The following DMXL2 variants were observed in gnomAD, a reference collection of about 807,000 sequenced individuals.
DMXL2 encodes the protein dmX-like protein 2.
A neutral mutation model predicts 331.1 loss-of-function variants in DMXL2; 103 were observed. The observed-to-expected ratio is 0.31, with a 90% CI of 0.27 to 0.37. The LOEUF is 0.37. Among genes scored for constraint, DMXL2 ranks in the 10% least tolerant of loss-of-function variants. The pLI is 1.00. For synonymous variants in DMXL2, 1,281 were observed against 1,252.1 expected, an observed-to-expected ratio of 1.02 and a Z score of -0.49; for missense variants, 3,171 against 3,642.9, an observed-to-expected ratio of 0.87 and a Z score of 3.33.
In DMXL2 at chr15:51,560,504, C is replaced by CAA. The variant is rs66990182; in HGVS notation, c.567+2875_567+2876dup. On this transcript the variant is annotated intron_variant, in intron 6 of 43. Transcript: ENST00000560891. ...CAACATAATGAAACCTTATTTCTAC[C>CAA]AAAAAAAAAAAAAAAAAAAAAAAAA... 2.1e-3 allele frequency among the ~76,000 whole-genome samples: 88 copies of CAA among 41,546 alleles called. 4 individuals are homozygous for CAA. The highest frequency in any genetic ancestry group is 5.3e-3 in the African/African-American group (49 of 9,206). The allele number at this position is 41,546 out of a possible 152,430, so 27.3% of individuals were successfully genotyped here. A position where few individuals can be genotyped will look rare whatever the true frequency, so the allele number is the denominator to read the frequency against.
At chr15:51,546,022 C>G (rs2048871041) in intron 7 of DMXL2, among the ~76,000 whole-genome samples, 1 of 152,016 alleles carries the variant, frequency 6.6e-6, no homozygotes, top group Non-Finnish European at 1.5e-5. Context: ...ATCTCCTAAA[C>G]AAAACATACA....
At chr15:51,605,519 T>TAACGAACATAGATGTAAAAACAC (rs1567177982) in intron 1 of DMXL2, among the ~76,000 whole-genome samples, 7 of 42,070 alleles carry the variant, frequency 1.7e-4, no homozygotes, top group South Asian at 7.1e-4. Context: ...TTAATATTCT[T>TAACGAACATAGATGTAAAAACAC]TTTTTTTTTT....
chr15:51,512,586 G>C (rs1424865252), intron 15 of DMXL2, among the ~76,000 whole-genome samples: 1 of 152,178 alleles, frequency 6.6e-6, no homozygotes, highest in African/African-American at 2.4e-5. Context: ...AAGGTGAGCT[G>C]ATCACTTGAG....
At chr15:51,564,539 G>C (rs530938030) in intron 4 of DMXL2, among the ~76,000 whole-genome samples, 15 of 151,980 alleles carry the variant, frequency 9.9e-5, no homozygotes, top group African/African-American at 3.1e-4. Flanking sequence ...AACAACAAAT[G>C]TATTAATAGA....
chr15:51,610,047 T>C (rs1209102064), intron 1 of DMXL2, among the ~76,000 whole-genome samples: 2 of 152,206 alleles, frequency 1.3e-5, no homozygotes, highest in Non-Finnish European at 2.9e-5. Flanking sequence ...AATGCATCAC[T>C]GTATTTGGAA....
At chr15:51,507,955 G>GA (rs1224234021) in intron 15 of DMXL2, among the ~76,000 whole-genome samples, 1 of 152,054 alleles carries the variant, frequency 6.6e-6, no homozygotes, top group Non-Finnish European at 1.5e-5. Context: ...CTTCATAACT[G>GA]AAAATGAGAT....
intron 34 of DMXL2, 121 bp downstream of exon 34, chr15:51,459,477 G>A: frequency 1.4e-6 from 1 of 715,338 alleles, no homozygotes; most frequent in Non-Finnish European, 2.1e-6. Context: ...AAGTGGTATG[G>A]GAGTACTATG....
At chr15:51,451,030 CAGAGTT>C (rs1211677357) in intron 42 of DMXL2, among the ~76,000 whole-genome samples, 5 of 152,212 alleles carry the variant, frequency 3.3e-5, no homozygotes, top group Non-Finnish European at 5.9e-5. Flanking sequence ...ATGTGGAAGA[CAGAGTT>C]AGGACACTAA....
In DMXL2 at chr15:51,466,250, T is replaced by C. The variant is rs114516513; in HGVS notation, c.7454A>G (p.Asp2485Gly). 1.7e-3 allele frequency: 2,599 copies of C among 1,574,118 alleles called. 27 individuals are homozygous for C. The African/African-American group carries it at 0.028, about 17-fold the overall frequency. Residue 2485 changes from aspartate to glycine, a missense_variant, in exon 30 of 44, where the codon GAT becomes GGT. Around this residue, in one of 7 missense-constraint regions of DMXL2, gnomAD observed 766 missense variants for 940.5 expected, o/e 0.81. Coordinates refer to ENST00000560891, the MANE Select transcript of DMXL2 (RefSeq NM_001378457.1). ...TGAAAAAAAGGCATCATCTTCTTCA[T>C]CACTATGAATGCTTTCATCAGAATC... ...IYDSDESIHS[D>G]EEDDAFFSDT...
Position 51,501,495 on chromosome 15 carries a change from G to A in DMXL2, c.2993-1264C>T, listed in dbSNP as rs944771997. On this transcript the variant is annotated intron_variant, in intron 17 of 43. Transcript: ENST00000560891. ...CAAACATTCTTAATAAAGGTGAGAC[G>A]TGATTACCACAATGTGAATGAAGTC... Among the ~76,000 whole-genome samples the A allele has an allele frequency of 4.6e-5, 7 of 152,190 alleles. No homozygotes were observed. The South Asian group carries it at 8.3e-4, about 18-fold the overall frequency.
In DMXL2 at chr15:51,511,407, C is replaced by G. The variant is rs142110476; in HGVS notation, c.2644+3035G>C. 3.2e-3 allele frequency among the ~76,000 whole-genome samples: 481 copies of G among 152,254 alleles called. 1 individual carries two copies. The highest frequency in any genetic ancestry group is 0.011 in the African/African-American group (454 of 41,552). ...TATGAACAGACACTTCTCAAAAGAA[C>G]ACATTTATGTGGCCAACAAACATAT... On this transcript the variant is annotated intron_variant, in intron 15 of 43. Transcript: ENST00000560891.
chr15:51,473,693 C>A (rs1036151018), intron 28 of DMXL2, among the ~76,000 whole-genome samples: 1 of 152,128 alleles, frequency 6.6e-6, no homozygotes, highest in African/African-American at 2.4e-5. Flanking sequence ...AGATAGAAAT[C>A]TTTCCTGCGG....
intron 36 of DMXL2, chr15:51,458,144 TTATCAGGTGA>T (rs1284215491): frequency 5.6e-6 from 1 of 177,846 alleles, no homozygotes. Context: ...AAAGGTATGC[TTATCAGGTGA>T]TAAGAAGAAA....
At chr15:51,508,017 A>C (rs2046515095) in intron 15 of DMXL2, among the ~76,000 whole-genome samples, 1 of 152,174 alleles carries the variant, frequency 6.6e-6, no homozygotes, top group Admixed American at 6.6e-5. Flanking sequence ...CATAATGACA[A>C]CATATTGGTA....
At chr15:51,514,686 C>T in intron 14 of DMXL2, 127 bp from the exon 15 acceptor site, 1 of 621,380 alleles carries the variant, frequency 1.6e-6, no homozygotes, top group Non-Finnish European at 2.8e-6. Flanking sequence ...TTTACCACTA[C>T]TAATTAGAAA....
At chr15:51,580,003 T>C (rs1408118214) in intron 1 of DMXL2, among the ~76,000 whole-genome samples, 2 of 152,204 alleles carry the variant, frequency 1.3e-5, no homozygotes, top group Non-Finnish European at 2.9e-5. Flanking sequence ...GTAAAGTTCC[T>C]GCTCTTTCCA....
Position 51,480,014 on chromosome 15 carries a change from G to A in DMXL2, c.6690C>T (p.Ile2230=). Residue 2230 remains isoleucine (I), a synonymous_variant, in exon 25 of 44, where the codon ATC becomes ATT. Transcript: ENST00000560891. ...GAACAATAGTATAAAGTATATCATG[G>A]ATGTGATTATTTAAGTACAATACAG... is the stretch of plus-strand genomic sequence containing the variant. ...ANPVLYLNNH[I]HDILYTIVQM... 6.3e-7 allele frequency: 1 copy of A among 1,592,338 alleles called. No homozygotes were observed. Among genetic ancestry groups the A allele is most frequent in the Non-Finnish European group, 8.6e-7 (1 of 1,163,178 alleles).
At position 51,622,446 on chromosome 15, in the gene DMXL2, G is replaced by C. The variant is rs1354577425; in HGVS notation, c.87+13C>G. On this transcript the variant is annotated intron_variant, in intron 1 of 43. Coordinates refer to ENST00000560891, the MANE Select transcript of DMXL2 (RefSeq NM_001378457.1). ...CCTGGTATCTTCCCCTAGGGCTCCC[G>C]GCCGCCGCTCACCGTGAAGGGGACA... 1 of 1,555,840 alleles carries C rather than the reference G, an allele frequency of 6.4e-7. No homozygotes were observed. Among genetic ancestry groups the C allele is most frequent in the Admixed American group, 1.9e-5 (1 of 51,856 alleles).
chr15:51,560,913 G>A (rs1215851315), intron 6 of DMXL2, among the ~76,000 whole-genome samples: 1 of 151,668 alleles, frequency 6.6e-6, no homozygotes, highest in Non-Finnish European at 1.5e-5. Context: ...TAGGGTACAT[G>A]TGTATTTGTT....
Sources: allele counts gnomAD v4.1 joint callset (sites outside exome capture counted in the v4.1 genomes callset), GRCh38; gene constraint gnomAD v4.1.1; regional missense constraint gnomAD v4.1.1; transcripts MANE v1.5; gene names NCBI Gene and HGNC (gene_info 2026-07-23, HGNC 2026-07-21).